NEMF: variants seen among roughly 807,000 people sequenced by gnomAD.
NEMF encodes the protein ribosome quality control complex subunit NEMF.
NEMF carries 89 observed loss-of-function variants against 162.2 expected under a neutral mutation model. That is an observed-to-expected ratio of 0.55 (90% CI 0.46 to 0.65). The LOEUF (loss-of-function observed/expected upper bound fraction) is 0.65, where lower values mean the gene tolerates loss of function less well. Among genes scored for constraint, NEMF ranks in the 30% least tolerant of loss-of-function variants. The pLI is 0.00. For synonymous variants in NEMF, 421 were observed against 404.5 expected, an observed-to-expected ratio of 1.04 and a Z score of -0.49; for missense variants, 1,133 against 1,261.9, an observed-to-expected ratio of 0.90 and a Z score of 1.55.
Position 49,825,730 on chromosome 14 carries a change from TCAAA to T in NEMF, c.1577+133_1577+136del, listed in dbSNP as rs1211864572. 8 of 611,664 alleles carry T rather than the reference TCAAA, an allele frequency of 1.3e-5. No individual in the cohort carries two copies. The East Asian group carries it at 1.4e-4, about 11-fold the overall frequency. 37.9% of individuals were successfully genotyped at this position (611,664 alleles called of 1,614,324 possible). Reference sequence around the variant, plus strand: ...CACCCTGGGTGACAGAGAACCTGTCTCAAACAAACCAACAAAAAATTGCAGAGCT... The same window carrying T: ...CACCCTGGGTGACAGAGAACCTGTCTCAAACCAACAAAAAATTGCAGAGCT... On this transcript the variant is annotated intron_variant, in intron 16 of 32. Transcript: ENST00000298310.
intron 6 of NEMF, among the ~76,000 whole-genome samples, chr14:49,837,705 T>C (rs1892973205): frequency 6.6e-6 from 1 of 151,346 alleles, no homozygotes; most frequent in African/African-American, 2.4e-5. Context: ...GATTCCTTAA[T>C]ATAGGGCTAA....
chr14:49,817,896 G>T (rs1021993777), intron 16 of NEMF, among the ~76,000 whole-genome samples: 1 of 152,052 alleles, frequency 6.6e-6, no homozygotes, highest in Non-Finnish European at 1.5e-5. Flanking sequence ...ACTGAAAAAG[G>T]AACACTTTCC....
chr14:49,832,111 A>G lies in NEMF; in HGVS notation c.822T>C (p.His274=), dbSNP rs777602358. 2.7e-5 allele frequency: 43 copies of G among 1,604,942 alleles called. No individual in the cohort carries two copies. The highest frequency in any genetic ancestry group is 3.5e-5 in the Admixed American group (2 of 57,704). Residue 274 remains histidine, a synonymous_variant, in exon 10 of 33, where the codon CAT becomes CAC. Coordinates refer to ENST00000298310, the MANE Select transcript of NEMF (RefSeq NM_004713.6). ...GTGAATGTTGAGAAAACAAGAAAGG[A>G]TGAAATTCCTCATACCTGTAAAACA... ...VEDILTYEEF[H]PFLFSQHSQC...
At chr14:49,799,203 G>C (rs1457339152) in intron 25 of NEMF, among the ~76,000 whole-genome samples, 4 of 8,196 alleles carry the variant, frequency 4.9e-4, no homozygotes, top group Non-Finnish European at 1.2e-3. Flanking sequence ...GCGAGACCCT[G>C]TTTCAAAAAA....
At chr14:49,792,618 G>T (rs373073321) in intron 26 of NEMF, among the ~76,000 whole-genome samples, 290 of 152,206 alleles carry the variant, frequency 1.9e-3, no homozygotes, top group African/African-American at 6.7e-3. Context: ...AGGCAGAGAC[G>T]GTATGAGAAA....
At chr14:49,832,306 C>T in intron 8 of NEMF, 29 bp from the exon 9 acceptor site, 1 of 1,405,536 alleles carries the variant, frequency 7.1e-7, no homozygotes, top group South Asian at 1.2e-5. Context: ...AAAATCATTC[C>T]TATTCATAAT....
chr14:49,795,506 A>G (rs1890652770), intron 26 of NEMF, among the ~76,000 whole-genome samples: 1 of 152,016 alleles, frequency 6.6e-6, no homozygotes, highest in South Asian at 2.1e-4. Context: ...AATAAATATC[A>G]GCTCTGCTAC....
chr14:49,787,765 G>A (rs188084796), intron 28 of NEMF, among the ~76,000 whole-genome samples: 1 of 152,068 alleles, frequency 6.6e-6, no homozygotes, highest in Admixed American at 6.6e-5. Flanking sequence ...AGGATTTACA[G>A]AACATAAGGA....
At chr14:49,835,894 G>C (rs1892877348) in intron 6 of NEMF, among the ~76,000 whole-genome samples, 1 of 152,128 alleles carries the variant, frequency 6.6e-6, no homozygotes. Flanking sequence ...ACTGACAATA[G>C]CATCAAAAAG....
chr14:49,782,712 C>G lies in NEMF; in HGVS notation c.*1924G>C. ...GGGCAATAAAACTTCATTGCTATAA[C>G]CAGTTCCTATGAAAATCTTTGAAGA... On this transcript the variant is annotated 3_prime_UTR_variant, in exon 33 of 33. Transcript: ENST00000298310. 2 of 1,389,932 alleles carry G rather than the reference C, an allele frequency of 1.4e-6. No homozygotes were observed. The highest frequency in any genetic ancestry group is 2.1e-5 in the Admixed American group (1 of 47,628). The allele number at this position is 1,389,932 out of a possible 1,614,324, so 86.1% of individuals were successfully genotyped here.
chr14:49,832,358 C>T (rs1326455955), intron 8 of NEMF, 81 bp from the exon 9 acceptor site: 28 of 954,606 alleles, frequency 2.9e-5, no homozygotes, highest in South Asian at 1.1e-4. Context: ...GATACAGTCG[C>T]GCTCGCTCCA....
rs35896786 is a variant in NEMF at position 49,788,276 on chromosome 14, C to CAAAAAA, written c.2895+864_2895+869dup. Among the ~76,000 whole-genome samples the CAAAAAA allele has an allele frequency of 4.7e-3, 363 of 77,540 alleles. 4 individuals are homozygous for CAAAAAA. The highest frequency in any genetic ancestry group is 6.3e-3 in the East Asian group (18 of 2,850). The allele number at this position is 77,540 out of a possible 152,430, so 50.9% of individuals were successfully genotyped here. On this transcript the variant is annotated intron_variant, in intron 28 of 32. Coordinates refer to ENST00000298310, the MANE Select transcript of NEMF (RefSeq NM_004713.6). ...CCTGGGCAACAGAGCAAGACTGCCT[C>CAAAAAA]AAAAAAAAAAAAAAAAAAAATTCAA...
intron 6 of NEMF, among the ~76,000 whole-genome samples, chr14:49,835,773 A>C (rs924649954): frequency 6.6e-6 from 1 of 152,184 alleles, no homozygotes; most frequent in African/African-American, 2.4e-5. Flanking sequence ...AGGAACCCAC[A>C]AAAAAACCCT....
In NEMF at chr14:49,806,751, A is replaced by G. The variant is rs374299055; in HGVS notation, c.1745-618T>C. ...TTCTAACTTCACTCCAGAAAAGATA[A>G]TTTAGAGAAATCCATTTAAAGTTTG... On this transcript the variant is annotated intron_variant, in intron 18 of 32. Transcript: ENST00000298310. Among the ~76,000 whole-genome samples the G allele has an allele frequency of 2.6e-4, 39 of 152,322 alleles. No individual in the cohort carries two copies. In the East Asian group the frequency reaches 5.2e-3, roughly 20 times the overall value.
intron 19 of NEMF, among the ~76,000 whole-genome samples, chr14:49,804,713 G>A (rs574115466): frequency 2.6e-5 from 4 of 151,548 alleles, no homozygotes; most frequent in South Asian, 4.2e-4. Context: ...AATCTTGAGA[G>A]TATCTTTATT....
intron 8 of NEMF, among the ~76,000 whole-genome samples, chr14:49,832,981 C>T (rs1443800331): frequency 2.0e-5 from 3 of 152,180 alleles, no homozygotes; most frequent in East Asian, 1.9e-4. Flanking sequence ...AAACACTATC[C>T]TGGGCCGGGT....
rs756795071 is a variant in NEMF at position 49,800,439 on chromosome 14, A to G, written c.2353T>C (p.Ser785Pro). 1.1e-5 allele frequency: 18 copies of G among 1,612,722 alleles called. No homozygotes were observed. Among genetic ancestry groups the G allele is most frequent in the Middle Eastern group, 1.6e-4 (1 of 6,080 alleles). ...LNYPDTTIDLSHLQPQRSIQK... is the reference protein window; with the variant it reads ...LNYPDTTIDLPHLQPQRSIQK... ...AATTACCTTTGGGGTTGAAGGTGAG[A>G]CAAGTCAATGGTAGTATCAGGATAA... The change falls in exon 23 of 33, where the codon TCT becomes CCT. Residue 785 changes from serine to proline, a missense_variant. Ser to Pro is a moderately conservative substitution (Grantham distance 74). Around this residue, in one of 3 missense-constraint regions of NEMF, gnomAD observed 532 missense variants for 578.6 expected, o/e 0.92. Coordinates refer to ENST00000298310, the MANE Select transcript of NEMF (RefSeq NM_004713.6).
chr14:49,837,525 T>G (rs950375589), intron 6 of NEMF, among the ~76,000 whole-genome samples: 2 of 151,880 alleles, frequency 1.3e-5, no homozygotes, highest in Non-Finnish European at 2.9e-5. Flanking sequence ...GAAAAGAAAT[T>G]TGCATTTGCC....
intron 4 of NEMF, chr14:49,844,733 G>GCACACA (rs1446050841): frequency 0.017 from 1,834 of 107,290 alleles, 50 homozygotes; most frequent in African/African-American, 0.067. Context: ...ACGCGCACGC[G>GCACACA]CGCGCACACA....
Sources: gnomAD v4.1 joint callset for allele counts (sites outside exome capture counted in the v4.1 genomes callset) on GRCh38, gnomAD v4.1.1 for gene constraint, gnomAD v4.1.1 regional missense constraint, MANE v1.5 for transcripts, NCBI Gene and HGNC (gene_info 2026-07-23, HGNC 2026-07-21) for gene names.